DAB2: variants seen among roughly 807,000 people sequenced by gnomAD.
DAB2 encodes DAB adaptor protein 2, also known as disabled homolog 2.
DAB2 carries 28 observed loss-of-function variants against 71.6 expected under a neutral mutation model. The ratio of observed to expected loss-of-function variants is 0.39; its 90% CI spans 0.29 to 0.54. The LOEUF (loss-of-function observed/expected upper bound fraction) is 0.54. Among genes scored for constraint, DAB2 ranks in the 20% least tolerant of loss-of-function variants. The pLI, the probability that DAB2 is intolerant of heterozygous loss-of-function variation, is 0.68. For missense variants in DAB2, 867 were observed against 928.8 expected (o/e 0.93, Z 0.86); for synonymous variants, 345 against 339.7 (o/e 1.02, Z -0.17).
At chr5:39,412,905 T>C (rs1277695082) in intron 1 of DAB2, among the ~76,000 whole-genome samples, 3 of 152,184 alleles carry the variant, frequency 2.0e-5, no homozygotes, top group Non-Finnish European at 4.4e-5. Flanking sequence ...AGCCAGAAAG[T>C]ACTTTCAGGA....
intron 1 of DAB2, among the ~76,000 whole-genome samples, chr5:39,413,423 G>A (rs1409614070): frequency 6.6e-6 from 1 of 152,044 alleles, no homozygotes; most frequent in African/African-American, 2.4e-5. Flanking sequence ...TTCTAAGATC[G>A]ATTTCATCAT....
At chr5:39,389,968 A>T in intron 5 of DAB2, 36 bp from the exon 6 acceptor site, 1 of 1,352,296 alleles carries the variant, frequency 7.4e-7, no homozygotes, top group Non-Finnish European at 1.0e-6. Context: ...CCGTATTTTA[A>T]TTTTAGTATT....
At chr5:39,377,864 CT>C (rs1249032594) in intron 11 of DAB2, among the ~76,000 whole-genome samples, 2 of 152,124 alleles carry the variant, frequency 1.3e-5, no homozygotes, top group African/African-American at 2.4e-5. Flanking sequence ...AGTTTCTTCA[CT>C]TTTTATTGCT....
At position 39,378,935 on chromosome 5, in the gene DAB2, T is replaced by C. The variant is rs77674148; in HGVS notation, c.1505-1653A>G. Among the ~76,000 whole-genome samples the C allele has an allele frequency of 2.7e-3, 410 of 152,356 alleles. 3 individuals carry two copies. Among genetic ancestry groups the C allele is most frequent in the African/African-American group, 9.6e-3 (400 of 41,572 alleles). ...ATAACAAATCAAGAGAAAAGTTATA[T>C]TCTACAATACAGGCTCTAAAAATGG... On this transcript the variant is annotated intron_variant, in intron 11 of 14. Coordinates refer to ENST00000320816, the MANE Select transcript of DAB2 (RefSeq NM_001343.4).
chr5:39,378,934 A>G (rs993843970), intron 11 of DAB2, among the ~76,000 whole-genome samples: 1 of 152,226 alleles, frequency 6.6e-6, no homozygotes, highest in Non-Finnish European at 1.5e-5. Context: ...GAAAAGTTAT[A>G]TTCTACAATA....
chr5:39,399,986 A>G (rs375961498), intron 1 of DAB2, among the ~76,000 whole-genome samples: 3 of 152,034 alleles, frequency 2.0e-5, no homozygotes, highest in East Asian at 3.9e-4. Context: ...ACAAGTGTCA[A>G]CCATCCTCCC....
chr5:39,414,032 G>A (rs1390329284), intron 1 of DAB2, among the ~76,000 whole-genome samples: 1 of 152,094 alleles, frequency 6.6e-6, no homozygotes, highest in Non-Finnish European at 1.5e-5. Context: ...CAGAGTTGTT[G>A]GGGAAAGCTC....
Position 39,377,005 on chromosome 5 carries a change from A to G in DAB2, c.1782T>C (p.Phe594=). Residue 594 remains phenylalanine, a synonymous_variant, in exon 12 of 15, where the codon TTT becomes TTC. Coordinates refer to ENST00000320816, the MANE Select transcript of DAB2 (RefSeq NM_001343.4). ...WSTTSPLGNP[F]QSNIFPAPAV... Reference sequence around the variant, plus strand: ...CAGGAGCTGGAAAAATATTGCTCTGAAAAGGATTCCCCAAAGGGCTTGTTG... The same window carrying G: ...CAGGAGCTGGAAAAATATTGCTCTGGAAAGGATTCCCCAAAGGGCTTGTTG... 6.2e-7 allele frequency: 1 copy of G among 1,614,096 alleles called. No individual in the cohort carries two copies. Among genetic ancestry groups the G allele is most frequent in the Non-Finnish European group, 8.5e-7 (1 of 1,180,016 alleles).
rs528130440 is a variant in DAB2 at position 39,399,214 on chromosome 5, C to A, written c.-101-4793G>T. ...AATTTTCTCACTCGTTGGGTGTAGT[C>A]TCAGGTCCCTTCAGTTCAAAAAGTG... On this transcript the variant is annotated intron_variant, in intron 1 of 14. Coordinates refer to ENST00000320816, the MANE Select transcript of DAB2 (RefSeq NM_001343.4). Among the ~76,000 whole-genome samples the A allele has an allele frequency of 1.7e-4, 26 of 151,426 alleles. No homozygotes were observed. The South Asian group carries it at 5.4e-3, about 32-fold the overall frequency.
intron 1 of DAB2, among the ~76,000 whole-genome samples, chr5:39,394,771 A>C (rs1755317607): frequency 6.6e-6 from 1 of 152,208 alleles, no homozygotes. Flanking sequence ...AAACAGAAAT[A>C]AATTGAATGT....
chr5:39,403,292 A>G (rs989300923), intron 1 of DAB2, among the ~76,000 whole-genome samples: 5 of 152,206 alleles, frequency 3.3e-5, no homozygotes, highest in Non-Finnish European at 5.9e-5. Flanking sequence ...TGGCACCAGG[A>G]AAGATCTAGC....
In DAB2 at chr5:39,376,031, A is replaced by G; in HGVS notation, c.2213T>C (p.Phe738Ser). The G allele has an allele frequency of 6.2e-7, 1 of 1,614,110 alleles. No homozygotes were observed. Among genetic ancestry groups the G allele is most frequent in the Admixed American group, 1.7e-5 (1 of 60,018 alleles). The change falls in exon 13 of 15, where the codon TTC (phenylalanine) becomes TCC (serine). Residue 738 changes from phenylalanine to serine, a missense_variant. Transcript: ENST00000320816. ...KSTDNAFENP[F>S]FKDSFGSSQA... ...TGATGAACCAAAAGAATCTTTAAAG[A>G]AAGGGTTCTCAAATGCATTGTCAGT...
intron 14 of DAB2, chr5:39,374,813 T>G (rs700240): frequency 0.025 from 12,919 of 524,542 alleles, 466 homozygotes; most frequent in African/African-American, 0.12. Flanking sequence ...TACTATTTTT[T>G]GATGTGTTTA....
chr5:39,421,021 G>C (rs1333667242), intron 1 of DAB2, among the ~76,000 whole-genome samples: 1 of 152,102 alleles, frequency 6.6e-6, no homozygotes, highest in African/African-American at 2.4e-5. Flanking sequence ...CTGACTTCAG[G>C]GGGAAGGATT....
At chr5:39,409,505 A>G (rs1042098506) in intron 1 of DAB2, among the ~76,000 whole-genome samples, 2 of 152,220 alleles carry the variant, frequency 1.3e-5, no homozygotes, top group African/African-American at 2.4e-5. Context: ...CCGACTTAAT[A>G]TCAGAATTTT....
rs767720147 is a variant in DAB2, at chr5:39,381,556, C to T, written c.1402G>A (p.Gly468Ser). Reference protein sequence around the residue: ...IFAPPVSEPSGQASPTGQPTA... With the variant: ...IFAPPVSEPSSQASPTGQPTA... ...GGTTGTCCTGTGGGTGACGCCTGGC[C>T]TGAAGGTTCTGAGACGGGAGGAGCA... The change falls in exon 11 of 15, where the codon GGC (glycine) becomes AGC (serine). Residue 468 changes from glycine (G) to serine (S), a missense_variant. Gly to Ser is a moderately conservative substitution (Grantham distance 56, BLOSUM62 0). This residue lies in a region of DAB2 where 740 missense variants were observed against 734.3 expected (regional missense o/e 1.01). Transcript: ENST00000320816. The T allele has an allele frequency of 6.8e-6, 11 of 1,613,942 alleles. No homozygotes were observed. The South Asian group carries it at 8.8e-5, about 13-fold the overall frequency.
At chr5:39,381,721 G>T in intron 10 of DAB2, 105 bp from the exon 11 acceptor site, 3 of 1,301,804 alleles carry the variant, frequency 2.3e-6, no homozygotes, top group Non-Finnish European at 3.2e-6. Flanking sequence ...GCCACAAAAA[G>T]GAAAACTTTT....
chr5:39,399,014 G>A (rs1297205543), intron 1 of DAB2, among the ~76,000 whole-genome samples: 1 of 151,800 alleles, frequency 6.6e-6, no homozygotes, highest in Non-Finnish European at 1.5e-5. Context: ...CTAGAAAAGG[G>A]ATCTGAGGAC....
intron 7 of DAB2, 64 bp from the exon 8 acceptor site, chr5:39,388,916 T>G: frequency 7.1e-7 from 1 of 1,413,834 alleles, no homozygotes; most frequent in Non-Finnish European, 1.0e-6. Context: ...ATTTGTCCAC[T>G]CTATTAGTCT....
Sources: allele counts gnomAD v4.1 joint callset (sites outside exome capture counted in the v4.1 genomes callset), GRCh38; gene constraint gnomAD v4.1.1; regional missense constraint gnomAD v4.1.1; transcripts MANE v1.5; gene names NCBI Gene and HGNC (gene_info 2026-07-23, HGNC 2026-07-21).